RIOK2: variants seen among roughly 807,000 people sequenced by gnomAD.
RIOK2 encodes RIO kinase 2.
RIOK2 carries 46 observed loss-of-function variants against 62.4 expected under a neutral mutation model. The ratio of observed to expected loss-of-function variants is 0.74; its 90% CI spans 0.58 to 0.94. RIOK2 has a LOEUF of 0.94. Ranked by LOEUF, RIOK2 falls within the 40% of genes least tolerant of loss-of-function variation. The pLI, the probability that RIOK2 is intolerant of heterozygous loss-of-function variation, is 0.00. For synonymous variants in RIOK2, 197 were observed against 216.0 expected (o/e 0.91, Z 0.77); for missense variants, 574 against 658.0 (o/e 0.87, Z 1.40).
chr5:97,165,898 T>G (rs1215944841), intron 8 of RIOK2, among the ~76,000 whole-genome samples: 1 of 152,230 alleles, frequency 6.6e-6, no homozygotes, highest in Admixed American at 6.5e-5. Flanking sequence ...TGGGTGTGTC[T>G]TTGAGGGCGT....
intron 8 of RIOK2, 21 bp from the exon 9 acceptor site, chr5:97,165,168 A>G: frequency 8.1e-7 from 1 of 1,227,978 alleles, no homozygotes; most frequent in Non-Finnish European, 1.1e-6. Flanking sequence ...AAAACCCACA[A>G]TTTATCTAGT....
In RIOK2 at chr5:97,163,229, GAA is replaced by G; in HGVS notation, c.1495-6_1495-5del. The stretch of plus-strand genomic sequence containing the variant: ...TCACCTTCTGTTTCACCAGTTCCTG[GAA>G]AGATTTCATAAATTAGTATTACTGA... On this transcript the variant is annotated splice_region_variant and splice_polypyrimidine_tract_variant and intron_variant, in intron 9 of 9. Transcript: ENST00000283109. 6.2e-7 allele frequency: 1 copy of G among 1,612,046 alleles called. No homozygotes were observed. The highest frequency in any genetic ancestry group is 8.5e-7 in the Non-Finnish European group (1 of 1,179,152).
rs56052136 is a variant in RIOK2 at position 97,180,015 on chromosome 5, T to A, written c.67-822A>T. Among the ~76,000 whole-genome samples the A allele has an allele frequency of 4.8e-3, 292 of 60,678 alleles. 22 individuals are homozygous for A. The highest frequency in any genetic ancestry group is 0.017 in the African/African-American group (262 of 15,378). 39.8% of individuals were successfully genotyped at this position (60,678 alleles called of 152,430 possible). On this transcript the variant is annotated intron_variant, in intron 1 of 9. Transcript: ENST00000283109. The stretch of plus-strand genomic sequence containing the variant: ...AAAATATATATATATTATATATATA[T>A]AATATATATATAATATATATATTAT...
chr5:97,165,654 C>T (rs1035100754), intron 8 of RIOK2, among the ~76,000 whole-genome samples: 3 of 152,140 alleles, frequency 2.0e-5, no homozygotes, highest in Non-Finnish European at 2.9e-5. Flanking sequence ...AAAACTCGGA[C>T]GATATTAACT....
Position 97,179,052 on chromosome 5 carries a change from T to G in RIOK2, c.205+3A>C. The G allele has an allele frequency of 6.2e-7, 1 of 1,613,810 alleles. No homozygotes were observed. Among genetic ancestry groups the G allele is most frequent in the Non-Finnish European group, 8.5e-7 (1 of 1,179,882 alleles). On this transcript the variant is annotated splice_donor_region_variant and intron_variant, in intron 2 of 9. Coordinates refer to ENST00000283109, the MANE Select transcript of RIOK2 (RefSeq NM_018343.3). ...ATCACAAATGGTGCCTCAAAATACT[T>G]ACTTTTGGTACGCTCCCAAGCTATG...
At position 97,171,263 on chromosome 5, in the gene RIOK2, T is replaced by C. The variant is rs200136201; in HGVS notation, c.722A>G (p.His241Arg). The C allele has an allele frequency of 6.2e-6, 10 of 1,604,874 alleles. No individual in the cohort carries two copies. Among genetic ancestry groups the C allele is most frequent in the Non-Finnish European group, 8.5e-6 (10 of 1,175,430 alleles). The change falls in exon 6 of 10, where the codon CAT becomes CGT. Residue 241 changes from histidine (H) to arginine (R), a missense_variant. Coordinates refer to ENST00000283109, the MANE Select transcript of RIOK2 (RefSeq NM_018343.3). Reference sequence around the variant, plus strand: ...CTGTGGAAAATCAATCATGGTGATATGGTCACTTTCATCCAAAATGAGATT... The same window carrying C: ...CTGTGGAAAATCAATCATGGTGATACGGTCACTTTCATCCAAAATGAGATT... ...EFNLILDESD[H>R]ITMIDFPQMV...
intron 1 of RIOK2, 106 bp from the exon 2 acceptor site, chr5:97,179,299 T>A: frequency 1.1e-6 from 1 of 948,530 alleles, no homozygotes; most frequent in Non-Finnish European, 1.6e-6. Context: ...TATGCAGTTC[T>A]CCAACTAATT....
intron 1 of RIOK2, 64 bp from the exon 2 acceptor site, chr5:97,179,257 C>A (rs557188461): frequency 3.3e-6 from 5 of 1,502,926 alleles, no homozygotes; most frequent in Non-Finnish European, 4.5e-6. Context: ...CAAAACCCTG[C>A]GAAATTAACT....
rs1338483647 is a variant in RIOK2 at position 97,179,624 on chromosome 5, A to G, written c.67-431T>C. Reference sequence around the variant, plus strand: ...TGGCACATATACACCATGGAATACTATGCAGCCATAAAAAAGGATGAGTTC... The same window carrying G: ...TGGCACATATACACCATGGAATACTGTGCAGCCATAAAAAAGGATGAGTTC... On this transcript the variant is annotated intron_variant, in intron 1 of 9. Transcript: ENST00000283109. Among the ~76,000 whole-genome samples the G allele has an allele frequency of 3.9e-5, 6 of 152,084 alleles. No individual in the cohort carries two copies. In the East Asian group the frequency reaches 1.2e-3, roughly 30 times the overall value.
At chr5:97,178,972 T>C in intron 2 of RIOK2, 83 bp downstream of exon 2, 11 of 1,527,770 alleles carry the variant, frequency 7.2e-6, no homozygotes, top group Non-Finnish European at 9.9e-6. Flanking sequence ...GTCTGGCAAC[T>C]TCTACTTCTT....
At chr5:97,166,599 T>G in intron 8 of RIOK2, 1 of 271,504 alleles carries the variant, frequency 3.7e-6, no homozygotes, top group Non-Finnish European at 5.8e-6. Context: ...AAATTAAGTT[T>G]TAGAACTTTT....
At chr5:97,166,531 T>A (rs1748845252) in intron 8 of RIOK2, among the ~76,000 whole-genome samples, 1 of 152,178 alleles carries the variant, frequency 6.6e-6, no homozygotes, top group African/African-American at 2.4e-5. Context: ...TTGAAATAAA[T>A]AAAACCAATA....
Position 97,183,168 on chromosome 5 carries a change from C to T in RIOK2, c.24G>A (p.Lys8=). ...AGTCATCTCGGCTCATGTAACGCAA[C>T]TTGGCCACATTCACTTTCCCCATGG... MGKVNVA[K]LRYMSRDDFR... Residue 8 remains lysine (K), a synonymous_variant, in exon 1 of 10, where the codon AAG becomes AAA. Transcript: ENST00000283109. 1 of 1,614,132 alleles carries T rather than the reference C, an allele frequency of 6.2e-7. No homozygotes were observed. Among genetic ancestry groups the T allele is most frequent in the Non-Finnish European group, 8.5e-7 (1 of 1,179,988 alleles).
chr5:97,180,016 A>ATATATAATATATATAATATATATATT (rs1189156391), intron 1 of RIOK2, among the ~76,000 whole-genome samples: 1 of 44,152 alleles, frequency 2.3e-5, no homozygotes, highest in African/African-American at 8.0e-5. Context: ...ATATATATAT[A>ATATATAATATATATAATATATATATT]ATATATATAT....
Position 97,179,136 on chromosome 5 carries a change from C to T in RIOK2, c.124G>A (p.Ala42Thr), listed in dbSNP as rs186421757. 3 of 1,613,884 alleles carry T rather than the reference C, an allele frequency of 1.9e-6. No homozygotes were observed. Among genetic ancestry groups the T allele is most frequent in the Admixed American group, 1.7e-5 (1 of 60,018 alleles). Residue 42 changes from alanine to threonine, a missense_variant, in exon 2 of 10, where the codon GCC (alanine) becomes ACC (threonine). Physicochemically the swap from Ala to Thr is moderately conservative, Grantham distance 58. Coordinates refer to ENST00000283109, the MANE Select transcript of RIOK2 (RefSeq NM_018343.3). ...IVPGSLIASI[A>T]SLKHGGCNKV... is the part of the protein sequence containing the mutation. ...TTACAGCCACCATGTTTAAGGCTGG[C>T]TATAGAAGCAATCAAACTGCCGGGA...
At chr5:97,168,234 T>C (rs1013368793) in intron 7 of RIOK2, among the ~76,000 whole-genome samples, 6 of 152,220 alleles carry the variant, frequency 3.9e-5, no homozygotes, top group African/African-American at 7.2e-5. Flanking sequence ...AAAAAGGTTA[T>C]AAAAACCTCA....
At chr5:97,170,506 A>C (rs1748971804) in intron 6 of RIOK2, among the ~76,000 whole-genome samples, 1 of 152,198 alleles carries the variant, frequency 6.6e-6, no homozygotes. Context: ...TCTTGGAGGC[A>C]ATCATGGAAC....
chr5:97,178,650 ATGCTCTTCTGCAGTACTCTACC>A (rs1412737466), intron 2 of RIOK2, among the ~76,000 whole-genome samples: 17,344 of 109,282 alleles, frequency 0.16, 1,542 homozygotes, highest in African/African-American at 0.25. Flanking sequence ...TGTACTCTAC[ATGCTCTTCTGCAGTACTCTACC>A]TGCTCTTCTG....
intron 1 of RIOK2, among the ~76,000 whole-genome samples, chr5:97,180,004 T>TATTA (rs1491354180): frequency 2.7e-5 from 1 of 36,692 alleles, no homozygotes; most frequent in Non-Finnish European, 5.5e-5. Context: ...TATATATATA[T>TATTA]TATATATATA....
Sources: gnomAD v4.1 joint callset for allele counts (sites outside exome capture counted in the v4.1 genomes callset) on GRCh38, gnomAD v4.1.1 for gene constraint, MANE v1.5 for transcripts, NCBI Gene and HGNC (gene_info 2026-07-23, HGNC 2026-07-21) for gene names.